The following KCND2 variants were observed in gnomAD, a reference collection of about 807,000 sequenced individuals.
KCND2 encodes A-type voltage-gated potassium channel KCND2.
Under a neutral mutation model 54.4 loss-of-function variants are expected in KCND2, and 16 were observed. The ratio of observed to expected loss-of-function variants is 0.29; its 90% CI spans 0.20 to 0.45. The LOEUF is 0.45. Among genes scored for constraint, KCND2 ranks in the 20% least tolerant of loss-of-function variants. KCND2 has a pLI of 1.00. For synonymous variants in KCND2, 317 were observed against 310.7 expected (o/e 1.02, Z -0.21); for missense variants, 486 against 824.2 (o/e 0.59, Z 5.02).
At chr7:120,472,706 G>A (rs1436815511) in intron 1 of KCND2, among the ~76,000 whole-genome samples, 2 of 152,258 alleles carry the variant, frequency 1.3e-5, no homozygotes, top group East Asian at 1.9e-4. Context: ...ACTAAACTCA[G>A]TGAACTAGGC....
At chr7:120,458,397 G>T (rs897768072) in intron 1 of KCND2, among the ~76,000 whole-genome samples, 1 of 152,152 alleles carries the variant, frequency 6.6e-6, no homozygotes, top group African/African-American at 2.4e-5. Flanking sequence ...ATAGATGAGA[G>T]AGTTGTCACA....
At chr7:120,361,926 T>A (rs1029172071) in intron 1 of KCND2, among the ~76,000 whole-genome samples, 3 of 152,108 alleles carry the variant, frequency 2.0e-5, no homozygotes, top group Non-Finnish European at 2.9e-5. Context: ...CCCATGAATC[T>A]GGTGCCTTTT....
At chr7:120,660,031 G>C (rs901053265) in intron 1 of KCND2, among the ~76,000 whole-genome samples, 1 of 152,158 alleles carries the variant, frequency 6.6e-6, no homozygotes, top group East Asian at 1.9e-4. Context: ...CTGTAGGTTT[G>C]GTGTGGGTGG....
intron 1 of KCND2, among the ~76,000 whole-genome samples, chr7:120,485,062 A>AT (rs1458028215): frequency 2.6e-5 from 4 of 151,586 alleles, no homozygotes; most frequent in Non-Finnish European, 4.4e-5. Flanking sequence ...AACTTTTTTT[A>AT]TTTTTAGTAG....
intron 1 of KCND2, among the ~76,000 whole-genome samples, chr7:120,650,160 C>T (rs891306638): frequency 4.1e-5 from 6 of 147,716 alleles, no homozygotes; most frequent in Admixed American, 2.0e-4. Flanking sequence ...TGAATGTTGG[C>T]TTGCCTTGCT....
intron 1 of KCND2, among the ~76,000 whole-genome samples, chr7:120,701,333 AT>A (rs1371163776): frequency 6.6e-6 from 1 of 151,338 alleles, no homozygotes; most frequent in African/African-American, 2.4e-5. Context: ...TAGGAGGTAA[AT>A]AGCAATTTCC....
intron 1 of KCND2, among the ~76,000 whole-genome samples, chr7:120,653,560 A>G (rs1028895344): frequency 3.9e-5 from 6 of 152,294 alleles, no homozygotes; most frequent in African/African-American, 1.4e-4. Context: ...TGAAAGTTTT[A>G]GGACCCTGCC....
intron 1 of KCND2, among the ~76,000 whole-genome samples, chr7:120,725,740 G>T (rs1397061743): frequency 1.3e-5 from 2 of 152,080 alleles, no homozygotes; most frequent in Admixed American, 6.6e-5. Flanking sequence ...ATTTAACATC[G>T]ATACTCCCTT....
intron 1 of KCND2, among the ~76,000 whole-genome samples, chr7:120,310,711 C>A (rs1315016150): frequency 6.6e-6 from 1 of 151,918 alleles, no homozygotes; most frequent in African/African-American, 2.4e-5. Context: ...CTGAGGCAGG[C>A]AGATCACTTG....
chr7:120,533,908 C>A lies in KCND2; in HGVS notation c.1116-198995C>A, dbSNP rs62469863. 4.6e-3 allele frequency among the ~76,000 whole-genome samples: 693 copies of A among 152,224 alleles called. 3 individuals carry two copies. Among genetic ancestry groups the A allele is most frequent in the Non-Finnish European group, 7.9e-3 (536 of 68,002 alleles). On this transcript the variant is annotated intron_variant, in intron 1 of 5. Transcript: ENST00000331113. ...AAAGAAGGATTGATAGTTATCCCATCCATCAGAGAATGGTGAGGCCAAGAA... is the reference window on the plus strand; with the variant it reads ...AAAGAAGGATTGATAGTTATCCCATACATCAGAGAATGGTGAGGCCAAGAA...
chr7:120,619,934 T>C (rs1793076746), intron 1 of KCND2, among the ~76,000 whole-genome samples: 1 of 152,164 alleles, frequency 6.6e-6, no homozygotes, highest in South Asian at 2.1e-4. Flanking sequence ...CACGATGGTA[T>C]GTGGAAAAGA....
At chr7:120,367,309 G>A (rs1800700516) in intron 1 of KCND2, among the ~76,000 whole-genome samples, 1 of 152,026 alleles carries the variant, frequency 6.6e-6, no homozygotes, top group East Asian at 1.9e-4. Flanking sequence ...CTATGTATGA[G>A]GTTGTTTTCC....
At chr7:120,420,536 C>T (rs1328054305) in intron 1 of KCND2, among the ~76,000 whole-genome samples, 1 of 152,144 alleles carries the variant, frequency 6.6e-6, no homozygotes, top group Non-Finnish European at 1.5e-5. Context: ...GACAATCATA[C>T]CTCAGTACAG....
intron 1 of KCND2, among the ~76,000 whole-genome samples, chr7:120,279,706 AAGC>A (rs954731453): frequency 6.6e-6 from 1 of 151,964 alleles, no homozygotes; most frequent in Non-Finnish European, 1.5e-5. Flanking sequence ...AACAACAAAA[AAGC>A]AGAAAAGTTT....
chr7:120,581,597 A>G (rs923124282), intron 1 of KCND2, among the ~76,000 whole-genome samples: 4 of 152,174 alleles, frequency 2.6e-5, no homozygotes, highest in African/African-American at 9.7e-5. Flanking sequence ...TTCCACCTAC[A>G]TTATTTTCTT....
chr7:120,328,892 A>G (rs1584732596), intron 1 of KCND2, among the ~76,000 whole-genome samples: 1 of 152,174 alleles, frequency 6.6e-6, no homozygotes, highest in Admixed American at 6.6e-5. Flanking sequence ...AACTTTCAGT[A>G]TTATTTAACA....
At chr7:120,639,816 G>A (rs1291149149) in intron 1 of KCND2, among the ~76,000 whole-genome samples, 4 of 152,024 alleles carry the variant, frequency 2.6e-5, no homozygotes, top group Non-Finnish European at 1.5e-5. Context: ...ATGAACAAAA[G>A]CTTCACACAA....
intron 1 of KCND2, among the ~76,000 whole-genome samples, chr7:120,616,214 A>G (rs1474570273): frequency 6.6e-6 from 1 of 152,200 alleles, no homozygotes; most frequent in Non-Finnish European, 1.5e-5. Context: ...TCTATTTGCC[A>G]TTTACTAACT....
At chr7:120,330,452 G>C (rs982915897) in intron 1 of KCND2, among the ~76,000 whole-genome samples, 4 of 151,728 alleles carry the variant, frequency 2.6e-5, no homozygotes, top group Admixed American at 2.0e-4. Context: ...ATGGTGGCAG[G>C]CACCTGTAAT....
Sources: allele counts gnomAD v4.1 joint callset (sites outside exome capture counted in the v4.1 genomes callset), GRCh38; gene constraint gnomAD v4.1.1; transcripts MANE v1.5; gene names NCBI Gene and HGNC (gene_info 2026-07-23, HGNC 2026-07-21).